PTPRJ: variants seen among roughly 807,000 people sequenced by gnomAD.
The protein encoded by PTPRJ is protein tyrosine phosphatase receptor type J.
In PTPRJ, 129 loss-of-function variants were observed where a neutral mutation model predicts 141.3. The observed-to-expected ratio is 0.91, with a 90% CI of 0.79 to 1.06. PTPRJ has a LOEUF of 1.06. PTPRJ is among the 50% of genes least tolerant of loss of function. The pLI is 0.00. For synonymous variants in PTPRJ, 610 were observed against 640.5 expected, an observed-to-expected ratio of 0.95 and a Z score of 0.72; for missense variants, 1,601 against 1,679.7, an observed-to-expected ratio of 0.95 and a Z score of 0.82.
intron 6 of PTPRJ, 22 bp downstream of exon 6, chr11:48,125,208 G>C (rs770709614): frequency 6.2e-7 from 1 of 1,610,202 alleles, no homozygotes; most frequent in Non-Finnish European, 8.5e-7. Context: ...TTTGTAAAAT[G>C]GTGGCAGCCA....
At chr11:48,105,650 T>C (rs1326421968) in intron 1 of PTPRJ, among the ~76,000 whole-genome samples, 2 of 152,076 alleles carry the variant, frequency 1.3e-5, no homozygotes, top group African/African-American at 4.8e-5. Flanking sequence ...ACAGTGGAAG[T>C]TGAACTAACC....
intron 1 of PTPRJ, among the ~76,000 whole-genome samples, chr11:48,025,865 A>G (rs1367898198): frequency 6.6e-6 from 1 of 152,148 alleles, no homozygotes; most frequent in Non-Finnish European, 1.5e-5. Flanking sequence ...TCTGCCTCAG[A>G]CAGCCGGGTG....
At chr11:48,052,017 G>A (rs1854584058) in intron 1 of PTPRJ, among the ~76,000 whole-genome samples, 1 of 152,220 alleles carries the variant, frequency 6.6e-6, no homozygotes, top group African/African-American at 2.4e-5. Flanking sequence ...GATCGATGAT[G>A]ATGATGATGG....
chr11:48,115,316 A>G (rs1856537297), intron 3 of PTPRJ, among the ~76,000 whole-genome samples: 1 of 152,214 alleles, frequency 6.6e-6, no homozygotes, highest in South Asian at 2.1e-4. Context: ...AAAGAAGCAA[A>G]TAACATGTAA....
intron 1 of PTPRJ, among the ~76,000 whole-genome samples, chr11:48,066,406 CA>C (rs1013497932): frequency 5.3e-5 from 8 of 152,128 alleles, no homozygotes; most frequent in African/African-American, 1.9e-4. Flanking sequence ...GCTCTGCAGG[CA>C]GTGGGCTGAG....
At chr11:48,131,424 C>T (rs1856982770) in intron 8 of PTPRJ, 1 of 740,602 alleles carries the variant, frequency 1.4e-6, no homozygotes, top group Admixed American at 1.8e-5. Context: ...TTGAGGCCAT[C>T]TGTACATGTG....
Position 48,010,778 on chromosome 11 carries a change from C to T in PTPRJ, c.96+29770C>T, listed in dbSNP as rs139723590. On this transcript the variant is annotated intron_variant, in intron 1 of 24. Coordinates refer to ENST00000418331, the MANE Select transcript of PTPRJ (RefSeq NM_002843.4). ...CTCGAACTCCTGACCTCAGGTGATC[C>T]ACCTGCCTTGGCCTCCTAAAGTGCT... Among the ~76,000 whole-genome samples, 1,469 of 152,176 alleles carry T rather than the reference C, an allele frequency of 9.7e-3. 14 individuals carry two copies. The highest frequency in any genetic ancestry group is 0.015 in the Non-Finnish European group (1,032 of 68,004).
intron 1 of PTPRJ, among the ~76,000 whole-genome samples, chr11:48,086,557 A>T (rs1396603383): frequency 6.6e-6 from 1 of 152,206 alleles, no homozygotes; most frequent in Admixed American, 6.5e-5. Context: ...AGTTACATTC[A>T]TCCTGGGTCC....
intron 1 of PTPRJ, among the ~76,000 whole-genome samples, chr11:48,030,856 T>C (rs781521239): frequency 2.2e-4 from 33 of 152,164 alleles, no homozygotes; most frequent in Non-Finnish European, 3.5e-4. Context: ...CTTATCTCAT[T>C]GGTCATAACT....
At chr11:48,096,198 T>G (rs2134306018) in intron 1 of PTPRJ, among the ~76,000 whole-genome samples, 1 of 152,356 alleles carries the variant, frequency 6.6e-6, no homozygotes, top group South Asian at 2.1e-4. Context: ...AGCACGGCTC[T>G]GCAGTGTGAC....
intron 1 of PTPRJ, among the ~76,000 whole-genome samples, chr11:48,010,926 C>T (rs144390514): frequency 9.1e-4 from 139 of 151,924 alleles, no homozygotes; most frequent in African/African-American, 3.2e-3. Context: ...GTCATCCTTC[C>T]GCTTCAGCCA....
chr11:48,044,443 A>G (rs190512384), intron 1 of PTPRJ, among the ~76,000 whole-genome samples: 7 of 152,308 alleles, frequency 4.6e-5, no homozygotes, highest in Admixed American at 2.0e-4. Context: ...TGGTTGTTGC[A>G]TGTGATTTTC....
At chr11:48,123,142 G>T (rs1856747425) in intron 4 of PTPRJ, among the ~76,000 whole-genome samples, 1 of 152,230 alleles carries the variant, frequency 6.6e-6, no homozygotes, top group African/African-American at 2.4e-5. Flanking sequence ...TATTGAATGT[G>T]CTGCTTACTT....
chr11:48,040,588 ACTTT>A (rs1854248398), intron 1 of PTPRJ, among the ~76,000 whole-genome samples: 2 of 148,446 alleles, frequency 1.3e-5, no homozygotes, highest in South Asian at 4.3e-4. Context: ...AGCTTCTCTT[ACTTT>A]CTTTCTTCTT....
At chr11:47,985,157 T>A (rs1228639636) in intron 1 of PTPRJ, among the ~76,000 whole-genome samples, 1 of 152,132 alleles carries the variant, frequency 6.6e-6, no homozygotes, top group Non-Finnish European at 1.5e-5. Context: ...GGCCTGTTTT[T>A]GTTTTTAAGA....
chr11:48,156,164 G>C (rs1216489459), intron 21 of PTPRJ, 45 bp downstream of exon 21: 1 of 1,477,068 alleles, frequency 6.8e-7, no homozygotes, highest in South Asian at 1.2e-5. Flanking sequence ...TACATTAATT[G>C]CTTTTTATTG....
intron 1 of PTPRJ, among the ~76,000 whole-genome samples, chr11:48,043,513 GTGGTTTTT>G: frequency 6.6e-6 from 1 of 152,336 alleles, no homozygotes; most frequent in East Asian, 1.9e-4. Context: ...GGGGAAAGCA[GTGGTTTTT>G]TGTCTTGAGA....
intron 1 of PTPRJ, among the ~76,000 whole-genome samples, chr11:48,029,735 T>G (rs550526131): frequency 1.3e-3 from 196 of 152,130 alleles, no homozygotes; most frequent in African/African-American, 4.6e-3. Context: ...GGGTTTTTTT[T>G]GAGGAGGATA....
intron 24 of PTPRJ, among the ~76,000 whole-genome samples, chr11:48,165,538 T>G (rs1857897899): frequency 6.6e-6 from 1 of 152,198 alleles, no homozygotes. Flanking sequence ...TGTATCAGGC[T>G]ATCGTCCTGT....
Sources: allele counts gnomAD v4.1 joint callset (sites outside exome capture counted in the v4.1 genomes callset), GRCh38; gene constraint gnomAD v4.1.1; transcripts MANE v1.5; gene names NCBI Gene and HGNC (gene_info 2026-07-23, HGNC 2026-07-21).